Variants in ABLIM3 observed in about 807,000 individuals in gnomAD.
ABLIM3 encodes the protein actin binding LIM protein family member 3.
Under a neutral mutation model 109.5 loss-of-function variants are expected in ABLIM3, and 61 were observed. The ratio of observed to expected loss-of-function variants is 0.56; its 90% CI spans 0.45 to 0.69. The LOEUF (loss-of-function observed/expected upper bound fraction) is 0.69. Among genes scored for constraint, ABLIM3 ranks in the 30% least tolerant of loss-of-function variants. The pLI, the probability that ABLIM3 is intolerant of heterozygous loss-of-function variation, is 0.00. For synonymous variants in ABLIM3, 300 were observed against 324.8 expected (o/e 0.92, Z 0.82); for missense variants, 796 against 889.5 (o/e 0.89, Z 1.34).
At chr5:149,179,284 G>A (rs1200521217) in intron 2 of ABLIM3, among the ~76,000 whole-genome samples, 1 of 135,672 alleles carries the variant, frequency 7.4e-6, no homozygotes, top group African/African-American at 3.4e-5. Flanking sequence ...TAATCTCAGG[G>A]GCATTAATAA....
chr5:149,203,868 G>A (rs1290627975), intron 5 of ABLIM3, among the ~76,000 whole-genome samples: 3 of 152,212 alleles, frequency 2.0e-5, no homozygotes, highest in Non-Finnish European at 4.4e-5. Context: ...CCCTATGAGG[G>A]AGATAAGAGT....
At chr5:149,246,639 C>G in intron 17 of ABLIM3, 93 bp downstream of exon 17, 1 of 1,347,596 alleles carries the variant, frequency 7.4e-7, no homozygotes, top group South Asian at 1.4e-5. Context: ...GATTCAAGCC[C>G]ACTTATGATA....
chr5:149,170,494 T>A (rs1755310025), intron 2 of ABLIM3, among the ~76,000 whole-genome samples: 1 of 152,132 alleles, frequency 6.6e-6, no homozygotes, highest in Admixed American at 6.5e-5. Flanking sequence ...CACCTCATAC[T>A]GGGACAGGCC....
chr5:149,147,538 G>C (rs4134361), intron 2 of ABLIM3, among the ~76,000 whole-genome samples: 124,604 of 152,164 alleles, frequency 0.82, 51,405 homozygotes, highest in African/African-American at 0.92. Flanking sequence ...TTCATTTTGT[G>C]TAAATACTGT....
At chr5:149,226,153 AAGGCAGAGG>A (rs1761251611) in intron 8 of ABLIM3, among the ~76,000 whole-genome samples, 1 of 151,264 alleles carries the variant, frequency 6.6e-6, no homozygotes, top group Non-Finnish European at 1.5e-5. Context: ...TGCTGTCATA[AAGGCAGAGG>A]TCTGAGAAAC....
rs761823359 is a variant in ABLIM3 at position 149,232,528 on chromosome 5, T to C, written c.817-701T>C. Among the ~76,000 whole-genome samples the C allele has an allele frequency of 7.7e-4, 117 of 152,364 alleles. 2 individuals are homozygous for C. The highest frequency in any genetic ancestry group is 1.4e-3 in the Non-Finnish European group (96 of 68,038). On this transcript the variant is annotated intron_variant, in intron 9 of 23. Coordinates refer to ENST00000309868, the MANE Select transcript of ABLIM3 (RefSeq NM_014945.5). ...GGAAACTTTATAGCCCCACTTAGAA[T>C]GCTTTAAATTGTAGGATGAGAAAAC...
At chr5:149,219,926 T>G (rs141854641) in intron 8 of ABLIM3, 65 of 152,144 alleles carry the variant, frequency 4.3e-4, no homozygotes, top group African/African-American at 1.4e-3. Context: ...AATCTTAATC[T>G]TTCCCTGTTG....
intron 13 of ABLIM3, 90 bp downstream of exon 13, chr5:149,239,978 C>A: frequency 6.8e-7 from 1 of 1,462,908 alleles, no homozygotes; most frequent in Non-Finnish European, 9.0e-7. Context: ...CACAAGGCTC[C>A]CCCATGATCT....
At chr5:149,230,785 G>C (rs1397579199) in intron 9 of ABLIM3, 78 bp downstream of exon 9, 3 of 1,539,354 alleles carry the variant, frequency 1.9e-6, no homozygotes, top group Non-Finnish European at 2.7e-6. Context: ...CTGTGCTTTG[G>C]GACAGGGTCA....
chr5:149,256,037 C>T (rs1754396092), intron 23 of ABLIM3, among the ~76,000 whole-genome samples: 1 of 152,200 alleles, frequency 6.6e-6, no homozygotes, highest in African/African-American at 2.4e-5. Context: ...GCTGTAAGAG[C>T]TGCACTGTTA....
intron 18 of ABLIM3, among the ~76,000 whole-genome samples, chr5:149,249,038 C>T (rs1228605730): frequency 6.6e-6 from 1 of 152,186 alleles, no homozygotes; most frequent in Admixed American, 6.5e-5. Context: ...GAATGTTACA[C>T]TCCTGGTAGA....
intron 5 of ABLIM3, 115 bp from the exon 6 acceptor site, chr5:149,206,893 G>C: frequency 7.0e-7 from 1 of 1,426,530 alleles, no homozygotes; most frequent in Non-Finnish European, 9.4e-7. Context: ...GTGTCAGGTG[G>C]GAGCAACTAT....
At position 149,227,608 on chromosome 5, in the gene ABLIM3, A is replaced by G. The variant is rs1169130592; in HGVS notation, c.758-3041A>G. On this transcript the variant is annotated intron_variant, in intron 8 of 23. Transcript: ENST00000309868. ...GTTAAATCACAGATTCCCAGGTCCCACCTCCAGGGAGTTGGCGTCAGTGGC... is the reference window on the plus strand; with the variant it reads ...GTTAAATCACAGATTCCCAGGTCCCGCCTCCAGGGAGTTGGCGTCAGTGGC... Among the ~76,000 whole-genome samples the G allele has an allele frequency of 2.0e-5, 3 of 152,180 alleles. No individual in the cohort carries two copies. In the East Asian group the frequency reaches 5.8e-4, roughly 29 times the overall value.
chr5:149,251,971 A>C (rs903067719), intron 21 of ABLIM3, among the ~76,000 whole-genome samples: 4 of 152,134 alleles, frequency 2.6e-5, no homozygotes, highest in African/African-American at 9.6e-5. Flanking sequence ...TTTTTTCCTT[A>C]GAACCATCTC....
rs1398632839 is a variant in ABLIM3, at chr5:149,239,887, T to C, written c.1203T>C (p.Ser401=). 1.9e-6 allele frequency: 3 copies of C among 1,602,790 alleles called. No homozygotes were observed. The highest frequency in any genetic ancestry group is 1.7e-4 in the Middle Eastern group (1 of 6,018). The change falls in exon 13 of 24, where the codon TCT becomes TCC. Residue 401 remains serine (S), a splice_region_variant and synonymous_variant. Transcript: ENST00000309868. ...GCTCACCTCACCACTACTACCGCTC[T>C]GGTAAGGAAGGGGGAGGACCTGAAG... ...FSRSPHHYYR[S]GPESGRSSPY...
intron 10 of ABLIM3, among the ~76,000 whole-genome samples, chr5:149,234,917 T>C (rs1427084207): frequency 1.3e-5 from 2 of 152,224 alleles, no homozygotes; most frequent in East Asian, 3.9e-4. Context: ...TAAACCTTTG[T>C]GAAATAAGTT....
rs530741758 is a variant in ABLIM3 at position 149,198,362 on chromosome 5, C to T, written c.295C>T (p.Arg99Cys). ...ITGEVISALG[R>C]TYHPKCFVCS... Reference sequence around the variant, plus strand: ...AGGCGAAGTCATCTCGGCCCTGGGCCGCACTTACCACCCCAAGTGCTTCGT... The same window carrying T: ...AGGCGAAGTCATCTCGGCCCTGGGCTGCACTTACCACCCCAAGTGCTTCGT... Residue 99 changes from arginine to cysteine, a missense_variant, in exon 4 of 24, where the codon CGC (arginine) becomes TGC (cysteine). Transcript: ENST00000309868. The surrounding 1 kb of genome is among the most constrained non-coding windows in gnomAD (Gnocchi z 4.2). The T allele has an allele frequency of 1.7e-5, 27 of 1,613,768 alleles. 1 individual carries two copies. The highest frequency in any genetic ancestry group is 3.3e-5 in the South Asian group (3 of 91,004).
Position 149,144,409 on chromosome 5 carries a change from G to A in ABLIM3, c.13+2301G>A, listed in dbSNP as rs373485153. 1.4e-4 allele frequency among the ~76,000 whole-genome samples: 22 copies of A among 152,314 alleles called. No individual in the cohort carries two copies. The East Asian group carries it at 3.1e-3, about 21-fold the overall frequency. On this transcript the variant is annotated intron_variant, in intron 2 of 23. Transcript: ENST00000309868. Reference sequence around the variant, plus strand: ...AGAAAAGGAGTAACAGAGCCATAGGGTGATATGGATAGGGCATTGGCAGGA... The same window carrying A: ...AGAAAAGGAGTAACAGAGCCATAGGATGATATGGATAGGGCATTGGCAGGA...
intron 11 of ABLIM3, among the ~76,000 whole-genome samples, chr5:149,238,846 C>T (rs1185523866): frequency 6.6e-6 from 1 of 152,170 alleles, no homozygotes; most frequent in Admixed American, 6.5e-5. Context: ...CTGCTGGGTG[C>T]CCTGCCCTGG....
Sources: gnomAD v4.1 joint callset for allele counts (sites outside exome capture counted in the v4.1 genomes callset) on GRCh38, gnomAD v4.1.1 for gene constraint, Gnocchi (gnomAD v3.1) non-coding constraint, MANE v1.5 for transcripts, NCBI Gene and HGNC (gene_info 2026-07-23, HGNC 2026-07-21) for gene names.